SLCO5A1: variants seen among roughly 807,000 people sequenced by gnomAD.
The protein encoded by SLCO5A1 is solute carrier organic anion transporter family member 5A1, also known as organic anion transporter polypeptide-related protein 4.
Under a neutral mutation model 65.1 loss-of-function variants are expected in SLCO5A1, and 39 were observed. The ratio of observed to expected loss-of-function variants is 0.60; its 90% CI spans 0.46 to 0.78. The LOEUF is 0.78. Among genes scored for constraint, SLCO5A1 ranks in the 30% least tolerant of loss-of-function variants. SLCO5A1 has a pLI of 0.00. For synonymous variants in SLCO5A1, 438 were observed against 415.7 expected (o/e 1.05, Z -0.65); for missense variants, 1,029 against 1,069.4 (o/e 0.96, Z 0.53).
At chr8:69,795,653 G>A (rs1244388044) in intron 2 of SLCO5A1, among the ~76,000 whole-genome samples, 7 of 152,190 alleles carry the variant, frequency 4.6e-5, no homozygotes, top group Admixed American at 4.6e-4. Flanking sequence ...AGATGACAGT[G>A]GATCCACTAT....
chr8:69,737,266 A>T (rs1289891681), intron 5 of SLCO5A1, among the ~76,000 whole-genome samples: 1 of 152,236 alleles, frequency 6.6e-6, no homozygotes, highest in Non-Finnish European at 1.5e-5. Context: ...AGCCTAAGTC[A>T]CTTGAAAAGT....
rs192390926 is a variant in SLCO5A1 at position 69,801,530 on chromosome 8, T to C, written c.907+30237A>G. ...AATATTTTACAGCAAAGTACATTAC[T>C]ATAGATCTTAGTCTTTCTCCATTGC... On this transcript the variant is annotated intron_variant, in intron 2 of 9. Coordinates refer to ENST00000260126, the MANE Select transcript of SLCO5A1 (RefSeq NM_030958.3). Among the ~76,000 whole-genome samples the C allele has an allele frequency of 2.2e-3, 333 of 152,354 alleles. 1 individual carries two copies. The highest frequency in any genetic ancestry group is 7.4e-3 in the African/African-American group (309 of 41,576).
intron 2 of SLCO5A1, among the ~76,000 whole-genome samples, chr8:69,826,378 T>G (rs1490758137): frequency 5.3e-5 from 8 of 151,600 alleles, no homozygotes; most frequent in Non-Finnish European, 8.8e-5. Flanking sequence ...CGCAACCTAC[T>G]CATCTGACAA....
At chr8:69,781,124 C>G (rs913792256) in intron 2 of SLCO5A1, among the ~76,000 whole-genome samples, 2 of 152,146 alleles carry the variant, frequency 1.3e-5, no homozygotes, top group African/African-American at 4.8e-5. Context: ...AACTTACCTC[C>G]TGGGAAGGCT....
At chr8:69,687,720 G>T (rs1394067723) in intron 6 of SLCO5A1, among the ~76,000 whole-genome samples, 2 of 151,878 alleles carry the variant, frequency 1.3e-5, no homozygotes, top group African/African-American at 4.8e-5. Context: ...CTCAATGTAC[G>T]TATAGATTAA....
chr8:69,784,840 A>AAGG (rs1818951644), intron 2 of SLCO5A1, among the ~76,000 whole-genome samples: 1 of 147,694 alleles, frequency 6.8e-6, no homozygotes, highest in Non-Finnish European at 1.5e-5. Flanking sequence ...AGAAAGAAAG[A>AAGG]AAGAAAGAAA....
chr8:69,784,809 GAA>G (rs1232449077), intron 2 of SLCO5A1, among the ~76,000 whole-genome samples: 18 of 21,608 alleles, frequency 8.3e-4, no homozygotes, highest in African/African-American at 3.4e-3. Flanking sequence ...AAGAAAGAAA[GAA>G]AAAGAAAGAA....
intron 2 of SLCO5A1, among the ~76,000 whole-genome samples, chr8:69,778,521 A>G: frequency 6.6e-6 from 1 of 152,112 alleles, no homozygotes; most frequent in East Asian, 1.9e-4. Context: ...TTGTTAGCTC[A>G]GGTTAGTGAA....
chr8:69,820,636 A>G (rs1474745097), intron 2 of SLCO5A1, among the ~76,000 whole-genome samples: 1 of 152,162 alleles, frequency 6.6e-6, no homozygotes, highest in Admixed American at 6.5e-5. Flanking sequence ...GTTCTAGACC[A>G]GCCTGGGCAA....
At position 69,831,444 on chromosome 8, in the gene SLCO5A1, T is replaced by C. The variant is rs570088493; in HGVS notation, c.907+323A>G. 3.7e-4 allele frequency among the ~76,000 whole-genome samples: 57 copies of C among 152,142 alleles called. 1 individual carries two copies. Among genetic ancestry groups the C allele is most frequent in the Admixed American group, 5.9e-4 (9 of 15,284 alleles). ...TGCTATTCCTTCCTCAACAAGTGTATTAGAATATAAACTTGACAAATTGGA... is the reference window on the plus strand; with the variant it reads ...TGCTATTCCTTCCTCAACAAGTGTACTAGAATATAAACTTGACAAATTGGA... On this transcript the variant is annotated intron_variant, in intron 2 of 9. Coordinates refer to ENST00000260126, the MANE Select transcript of SLCO5A1 (RefSeq NM_030958.3).
Position 69,832,994 on chromosome 8 carries a change from T to TCCGCCGCCGCCG in SLCO5A1, c.-333_-322dup, listed in dbSNP as rs959438179. On this transcript the variant is annotated 5_prime_UTR_variant, in exon 2 of 10. Transcript: ENST00000260126. This position sits in a 1 kb window ranked among gnomAD's most constrained non-coding sequence, Gnocchi z 4.5. ...CCTCGCGCGTCCCGGGCTCATCCCC[T>TCCGCCGCCGCCG]CCGCCGCCGCCGCCGCCGCCGCCGC... 1 of 330,848 alleles carries TCCGCCGCCGCCG rather than the reference T, an allele frequency of 3.0e-6. No homozygotes were observed. The highest frequency in any genetic ancestry group is 5.3e-6 in the Non-Finnish European group (1 of 187,180). The allele number at this position is 330,848 out of a possible 1,614,324, so 20.5% of individuals were successfully genotyped here. A position where few individuals can be genotyped will look rare whatever the true frequency, so the allele number is the denominator to read the frequency against.
chr8:69,784,902 G>GA (rs1554620882), intron 2 of SLCO5A1, among the ~76,000 whole-genome samples: 1 of 44,362 alleles, frequency 2.3e-5, no homozygotes, highest in Non-Finnish European at 4.0e-5. Context: ...AAGGAAGAAA[G>GA]AAAGAAAGAA....
intron 5 of SLCO5A1, among the ~76,000 whole-genome samples, chr8:69,735,544 T>A (rs1816516518): frequency 6.6e-6 from 1 of 152,126 alleles, no homozygotes. Context: ...CTTGAAGCCA[T>A]TATCCTCAGC....
At chr8:69,820,606 G>T (rs1820589553) in intron 2 of SLCO5A1, among the ~76,000 whole-genome samples, 1 of 152,094 alleles carries the variant, frequency 6.6e-6, no homozygotes, top group South Asian at 2.1e-4. Flanking sequence ...GCTCAGGGAA[G>T]AGGATTGCTG....
At chr8:69,704,856 C>T (rs1354557997) in intron 6 of SLCO5A1, 175 bp downstream of exon 6, 1 of 616,552 alleles carries the variant, frequency 1.6e-6, no homozygotes, top group Non-Finnish European at 2.8e-6. Flanking sequence ...AAGACGAGAC[C>T]CTGGCTTCTG....
rs758368836 is a variant in SLCO5A1, at chr8:69,672,897, C to T, written c.2519G>A (p.Ser840Asn). 1.9e-6 allele frequency: 3 copies of T among 1,612,942 alleles called. No homozygotes were observed. The highest frequency in any genetic ancestry group is 2.2e-5 in the East Asian group (1 of 44,856). Reference sequence around the variant, plus strand: ...GGAGGGCGGCTCCAAGGCAGCGGGGCTCTCTTCCAGCCCCGGGTCCGCAGA... The same window carrying T: ...GGAGGGCGGCTCCAAGGCAGCGGGGTTCTCTTCCAGCCCCGGGTCCGCAGA... Reference protein sequence around the residue: ...SSSADPGLEESPAALEPPS With the variant: ...SSSADPGLEENPAALEPPS Residue 840 changes from serine to asparagine, a missense_variant, in exon 10 of 10, where the codon AGC becomes AAC. By Grantham distance (46) the Ser-to-Asn change is conservative. Transcript: ENST00000260126.
chr8:69,832,401 C>T lies in SLCO5A1; in HGVS notation c.273G>A (p.Gly91=). The part of the protein sequence containing the change: ...PSPSAPSTSA[G]LGDCNHRVDL... ...CCACCCTGTGGTTACAGTCCCCGAG[C>T]CCCGCCGAAGTGGACGGGGCAGAGG... Residue 91 remains glycine, a synonymous_variant, in exon 2 of 10, where the codon GGG becomes GGA. Coordinates refer to ENST00000260126, the MANE Select transcript of SLCO5A1 (RefSeq NM_030958.3). This position sits in a 1 kb window ranked among gnomAD's most constrained non-coding sequence, Gnocchi z 4.5. The T allele has an allele frequency of 6.2e-7, 1 of 1,612,204 alleles. No individual in the cohort carries two copies. The highest frequency in any genetic ancestry group is 8.5e-7 in the Non-Finnish European group (1 of 1,179,188).
chr8:69,723,398 C>G (rs1586727355), intron 5 of SLCO5A1, among the ~76,000 whole-genome samples: 3 of 152,074 alleles, frequency 2.0e-5, no homozygotes, highest in African/African-American at 7.2e-5. Context: ...ACCACAGGCA[C>G]AAGCCACCAT....
chr8:69,725,440 C>T (rs142207317), intron 5 of SLCO5A1, among the ~76,000 whole-genome samples: 30 of 148,864 alleles, frequency 2.0e-4, no homozygotes, highest in African/African-American at 6.8e-4. Context: ...TCTCATGTAC[C>T]AAGGGAGAAA....
Sources: gnomAD v4.1 joint callset for allele counts (sites outside exome capture counted in the v4.1 genomes callset) on GRCh38, gnomAD v4.1.1 for gene constraint, Gnocchi (gnomAD v3.1) non-coding constraint, MANE v1.5 for transcripts, NCBI Gene and HGNC (gene_info 2026-07-23, HGNC 2026-07-21) for gene names.